Variants in TM9SF2 observed in about 807,000 individuals in gnomAD.
TM9SF2 encodes 76 kDa membrane protein.
In TM9SF2, 13 loss-of-function variants were observed where a neutral mutation model predicts 84.9. The observed-to-expected ratio is 0.15, with a 90% confidence interval of 0.10 to 0.24. The LOEUF (loss-of-function observed/expected upper bound fraction) is 0.24, where lower values mean the gene tolerates loss of function less well. TM9SF2 is among the 10% of genes least tolerant of loss of function. The pLI is 1.00. For missense variants in TM9SF2, 562 were observed against 818.5 expected, an observed-to-expected ratio of 0.69 and a Z score of 3.82; for synonymous variants, 273 against 285.8, an observed-to-expected ratio of 0.96 and a Z score of 0.45.
intron 11 of TM9SF2, among the ~76,000 whole-genome samples, chr13:99,548,879 G>A (rs2046294624): frequency 6.6e-6 from 1 of 152,128 alleles, no homozygotes; most frequent in South Asian, 2.1e-4. Flanking sequence ...ATTGATACTG[G>A]CTCAGGATTT....
intron 8 of TM9SF2, 126 bp downstream of exon 8, chr13:99,540,919 C>A: frequency 1.3e-6 from 1 of 772,542 alleles, no homozygotes; most frequent in Non-Finnish European, 2.1e-6. Flanking sequence ...CAAATCCTGG[C>A]TTTCAGCCAC....
chr13:99,527,376 AG>A (rs1234331987), intron 3 of TM9SF2, among the ~76,000 whole-genome samples: 1 of 152,198 alleles, frequency 6.6e-6, no homozygotes, highest in South Asian at 2.1e-4. Context: ...TCATGGCAGA[AG>A]GGGAGGCAAC....
intron 4 of TM9SF2, 135 bp downstream of exon 4, chr13:99,529,729 G>C: frequency 1.2e-6 from 1 of 863,770 alleles, no homozygotes; most frequent in South Asian, 2.6e-5. Context: ...ACTAGTGGTC[G>C]TAGCTTGAAG....
intron 16 of TM9SF2, among the ~76,000 whole-genome samples, chr13:99,561,310 T>G (rs1456546794): frequency 2.0e-5 from 3 of 152,206 alleles, no homozygotes; most frequent in Non-Finnish European, 4.4e-5. Context: ...AAGACGCCAC[T>G]TTTAGTACGT....
chr13:99,556,006 A>T (rs2046323364), intron 15 of TM9SF2, among the ~76,000 whole-genome samples: 1 of 152,150 alleles, frequency 6.6e-6, no homozygotes, highest in Non-Finnish European at 1.5e-5. Flanking sequence ...ATACAAAAAA[A>T]ATTTTAGACT....
intron 12 of TM9SF2, among the ~76,000 whole-genome samples, chr13:99,550,012 C>G (rs530721766): frequency 1.1e-4 from 16 of 152,314 alleles, no homozygotes; most frequent in African/African-American, 3.8e-4. Flanking sequence ...TTTCTCAAGC[C>G]ATGTCCTTTG....
rs554113803 is a variant in TM9SF2 at position 99,532,074 on chromosome 13, C to T, written c.461+2480C>T. 4.0e-5 allele frequency among the ~76,000 whole-genome samples: 6 copies of T among 149,274 alleles called. No individual in the cohort carries two copies. In the East Asian group the frequency reaches 1.0e-3, roughly 25 times the overall value. On this transcript the variant is annotated intron_variant, in intron 4 of 16. Transcript: ENST00000376387. ...TTTTTTTTTTTCTTTTTTTTTGAGA[C>T]GGAATCTCGTTCTGTCACCCAGGCT...
At chr13:99,511,932 A>G (rs1432950254) in intron 1 of TM9SF2, among the ~76,000 whole-genome samples, 2 of 152,194 alleles carry the variant, frequency 1.3e-5, no homozygotes, top group Non-Finnish European at 2.9e-5. Flanking sequence ...TTAAAGAAGC[A>G]AGGAATCCCT....
At chr13:99,523,836 T>A (rs1229241543) in intron 3 of TM9SF2, among the ~76,000 whole-genome samples, 1 of 152,106 alleles carries the variant, frequency 6.6e-6, no homozygotes, top group Non-Finnish European at 1.5e-5. Flanking sequence ...TGAAAATAAA[T>A]CTGTGAAGGT....
At chr13:99,521,882 T>C (rs1433879182) in intron 3 of TM9SF2, among the ~76,000 whole-genome samples, 2 of 152,092 alleles carry the variant, frequency 1.3e-5, no homozygotes, top group East Asian at 3.9e-4. Flanking sequence ...AATTTTTAAA[T>C]TTTTTATAGA....
chr13:99,552,051 A>G, intron 12 of TM9SF2, 116 bp from the exon 13 acceptor site: 1 of 982,514 alleles, frequency 1.0e-6, no homozygotes, highest in Non-Finnish European at 1.4e-6. Flanking sequence ...GTGATGCAGC[A>G]ATTCCACTTT....
intron 10 of TM9SF2, 120 bp from the exon 11 acceptor site, chr13:99,546,865 C>A: frequency 7.3e-7 from 1 of 1,362,496 alleles, no homozygotes; most frequent in Non-Finnish European, 1.0e-6. Context: ...TAGGAGAGCA[C>A]ATGGTTTTGC....
chr13:99,548,646 C>T (rs528502844), intron 11 of TM9SF2, among the ~76,000 whole-genome samples: 26 of 152,280 alleles, frequency 1.7e-4, no homozygotes, highest in African/African-American at 6.0e-4. Flanking sequence ...GTCAAATGGT[C>T]ATAACCCTTC....
At chr13:99,553,339 T>C (rs74889374) in intron 13 of TM9SF2, among the ~76,000 whole-genome samples, 1 of 152,192 alleles carries the variant, frequency 6.6e-6, no homozygotes, top group Non-Finnish European at 1.5e-5. Flanking sequence ...TGCTGAAGGA[T>C]TTTTTTAAAC....
At chr13:99,516,329 A>G (rs1412905971) in intron 1 of TM9SF2, among the ~76,000 whole-genome samples, 7 of 152,200 alleles carry the variant, frequency 4.6e-5, no homozygotes, top group Non-Finnish European at 1.0e-4. Flanking sequence ...CTAGTAAGTG[A>G]AATCAAAATG....
chr13:99,536,762 T>C (rs1192453515), intron 5 of TM9SF2, 25 bp downstream of exon 5: 2 of 1,608,402 alleles, frequency 1.2e-6, no homozygotes, highest in Admixed American at 1.7e-5. Context: ...AACTCTTTGC[T>C]GCTTTTTAAA....
intron 13 of TM9SF2, among the ~76,000 whole-genome samples, chr13:99,552,786 T>C (rs1340470035): frequency 6.6e-6 from 1 of 152,182 alleles, no homozygotes; most frequent in Non-Finnish European, 1.5e-5. Context: ...GTATTTTTAG[T>C]GGAGACAAGG....
intron 15 of TM9SF2, among the ~76,000 whole-genome samples, chr13:99,557,048 T>C (rs908680266): frequency 1.3e-5 from 2 of 152,230 alleles, no homozygotes; most frequent in Non-Finnish European, 2.9e-5. Context: ...GAGGTATATA[T>C]CTAGGAGTGG....
At chr13:99,504,016 G>A (rs1005871019) in intron 1 of TM9SF2, among the ~76,000 whole-genome samples, 1 of 152,210 alleles carries the variant, frequency 6.6e-6, no homozygotes, top group African/African-American at 2.4e-5. Flanking sequence ...TAGAAGAGCA[G>A]GAGGGTGTAC....
Sources: gnomAD v4.1 joint callset for allele counts (sites outside exome capture counted in the v4.1 genomes callset) on GRCh38, gnomAD v4.1.1 for gene constraint, MANE v1.5 for transcripts, NCBI Gene and HGNC (gene_info 2026-07-23, HGNC 2026-07-21) for gene names.